Variants in PTPRD observed in about 807,000 individuals in gnomAD.
PTPRD encodes receptor-type tyrosine-protein phosphatase delta.
PTPRD carries 34 observed loss-of-function variants against 214.5 expected under a neutral mutation model. The observed-to-expected ratio is 0.16, with a 90% CI of 0.12 to 0.21. The LOEUF is 0.21. PTPRD is among the 10% of genes least tolerant of loss of function. The pLI is 1.00. For missense variants in PTPRD, 2,545 were observed against 2,398.7 expected (o/e 1.06, Z -1.27); for synonymous variants, 1,128 against 845.7 (o/e 1.33, Z -5.79).
At chr9:8,427,966 G>A (rs1021563147) in intron 35 of PTPRD, among the ~76,000 whole-genome samples, 2 of 152,104 alleles carry the variant, frequency 1.3e-5, no homozygotes, top group Admixed American at 6.6e-5. Context: ...CTGGTGTCAG[G>A]AAACCTGATA....
At chr9:10,026,454 T>C (rs553183229) in intron 4 of PTPRD, among the ~76,000 whole-genome samples, 17 of 152,288 alleles carry the variant, frequency 1.1e-4, no homozygotes, top group Non-Finnish European at 2.1e-4. Context: ...ACTAGAAAAG[T>C]CAAGTTGCCT....
At chr9:10,105,137 G>A (rs2098611043) in intron 3 of PTPRD, among the ~76,000 whole-genome samples, 1 of 151,688 alleles carries the variant, frequency 6.6e-6, no homozygotes, top group Non-Finnish European at 1.5e-5. Flanking sequence ...GACTCTTTGA[G>A]GATGGGAATT....
chr9:9,214,454 T>C (rs533686941), intron 9 of PTPRD, among the ~76,000 whole-genome samples: 1 of 152,214 alleles, frequency 6.6e-6, no homozygotes, highest in Admixed American at 6.5e-5. Flanking sequence ...TTGGTGACTG[T>C]TAAACGTTAA....
intron 4 of PTPRD, among the ~76,000 whole-genome samples, chr9:10,027,995 G>A (rs143854347): frequency 0.01 from 1,545 of 152,176 alleles, 72 homozygotes; most frequent in Admixed American, 0.075. Flanking sequence ...TCCATTGATG[G>A]GTCATATGGT....
intron 5 of PTPRD, among the ~76,000 whole-genome samples, chr9:9,870,932 G>A (rs1290652970): frequency 6.6e-6 from 1 of 151,994 alleles, no homozygotes; most frequent in East Asian, 1.9e-4. Context: ...AAGTTTGTGT[G>A]GCAAAGAGTT....
chr9:8,702,870 G>C (rs1046348448), intron 12 of PTPRD, among the ~76,000 whole-genome samples: 1 of 152,182 alleles, frequency 6.6e-6, no homozygotes, highest in African/African-American at 2.4e-5. Flanking sequence ...GCCTCCCAAA[G>C]TGCTGGGATT....
intron 34 of PTPRD, among the ~76,000 whole-genome samples, chr9:8,448,290 T>G (rs1467220817): frequency 6.6e-6 from 1 of 152,180 alleles, no homozygotes; most frequent in Non-Finnish European, 1.5e-5. Context: ...ATTGTGCTAC[T>G]GCACTCCAGC....
intron 11 of PTPRD, among the ~76,000 whole-genome samples, chr9:8,740,293 C>T (rs540838145): frequency 2.6e-5 from 4 of 152,088 alleles, no homozygotes; most frequent in Admixed American, 6.5e-5. Context: ...TTAAAGATGG[C>T]GTTTCATACT....
intron 3 of PTPRD, among the ~76,000 whole-genome samples, chr9:10,194,241 C>A (rs563971740): frequency 7.9e-5 from 12 of 151,288 alleles, no homozygotes; most frequent in African/African-American, 2.7e-4. Flanking sequence ...TAGTTACTCT[C>A]ATTTTAGAAA....
At chr9:8,630,325 C>T (rs920894976) in intron 14 of PTPRD, among the ~76,000 whole-genome samples, 1 of 151,794 alleles carries the variant, frequency 6.6e-6, no homozygotes, top group South Asian at 2.1e-4. Context: ...GTGGTATAAA[C>T]CTCTTCACAC....
chr9:8,888,926 T>C (rs2098514178), intron 11 of PTPRD, among the ~76,000 whole-genome samples: 3 of 152,214 alleles, frequency 2.0e-5, no homozygotes, highest in African/African-American at 7.2e-5. Context: ...TTTCCTTATC[T>C]GTATAATGGA....
At chr9:8,431,899 A>G (rs2132224479) in intron 35 of PTPRD, among the ~76,000 whole-genome samples, 1 of 152,310 alleles carries the variant, frequency 6.6e-6, no homozygotes, top group African/African-American at 2.4e-5. Context: ...TTTCAGAAGG[A>G]ATGGTATCAG....
chr9:9,802,895 T>G (rs2099050582), intron 5 of PTPRD, among the ~76,000 whole-genome samples: 1 of 151,882 alleles, frequency 6.6e-6, no homozygotes, highest in African/African-American at 2.4e-5. Context: ...ACACTAATAA[T>G]GCATATAATT....
At chr9:10,442,846 C>T (rs1042178223) in intron 2 of PTPRD, among the ~76,000 whole-genome samples, 8 of 151,418 alleles carry the variant, frequency 5.3e-5, no homozygotes, top group Non-Finnish European at 1.2e-4. Flanking sequence ...AATAATTAGA[C>T]TAAAATATAC....
intron 18 of PTPRD, among the ~76,000 whole-genome samples, chr9:8,524,279 T>C (rs563437737): frequency 2.0e-5 from 3 of 152,174 alleles, no homozygotes; most frequent in Non-Finnish European, 4.4e-5. Flanking sequence ...CAGTTTTCCA[T>C]TGCAATCAAA....
chr9:9,208,869 G>A (rs1333962179), intron 9 of PTPRD, among the ~76,000 whole-genome samples: 1 of 151,442 alleles, frequency 6.6e-6, no homozygotes, highest in Non-Finnish European at 1.5e-5. Context: ...GTACAGTGGC[G>A]CGATCCCGGC....
At chr9:8,875,381 A>G (rs1046543277) in intron 11 of PTPRD, among the ~76,000 whole-genome samples, 1 of 151,966 alleles carries the variant, frequency 6.6e-6, no homozygotes, top group African/African-American at 2.4e-5. Context: ...TTTTTTAATT[A>G]GCCAGACATA....
chr9:9,751,987 A>G (rs948439543), intron 6 of PTPRD, among the ~76,000 whole-genome samples: 2 of 152,162 alleles, frequency 1.3e-5, no homozygotes, highest in Non-Finnish European at 2.9e-5. Flanking sequence ...TTGGTAGATT[A>G]TACAACAACT....
intron 8 of PTPRD, among the ~76,000 whole-genome samples, chr9:9,559,566 A>G (rs919597199): frequency 9.9e-5 from 15 of 152,224 alleles, no homozygotes; most frequent in Non-Finnish European, 2.1e-4. Flanking sequence ...ATCCCAGGTA[A>G]GAGGGGCATT....
Sources: allele counts gnomAD v4.1 joint callset (sites outside exome capture counted in the v4.1 genomes callset), GRCh38; gene constraint gnomAD v4.1.1; transcripts MANE v1.5; gene names NCBI Gene and HGNC (gene_info 2026-07-23, HGNC 2026-07-21).